The following DCX variants were observed in gnomAD, a reference collection of about 807,000 sequenced individuals.
The protein encoded by DCX is neuronal migration protein doublecortin.
Under a neutral mutation model 20.9 loss-of-function variants are expected in DCX, and 4 were observed. The ratio of observed to expected loss-of-function variants is 0.19; its 90% confidence interval spans 0.09 to 0.44. DCX has a LOEUF of 0.44. Among genes scored for constraint, DCX ranks in the 20% least tolerant of loss-of-function variants. The pLI is 0.99. For synonymous variants in DCX, 103 were observed against 111.4 expected (o/e 0.92, Z 0.47); for missense variants, 133 against 296.9 (o/e 0.45, Z 4.06).
intron 6 of DCX, among the ~76,000 whole-genome samples, chrX:111,310,491 T>A (rs1395450245): frequency 9.0e-6 from 1 of 111,365 alleles, no homozygotes; most frequent in Non-Finnish European, 1.9e-5. Context: ...AACTAGTGAA[T>A]CCCTGTAAAG....
intron 3 of DCX, among the ~76,000 whole-genome samples, chrX:111,373,480 C>T (rs777261469): frequency 4.5e-5 from 5 of 111,700 alleles, no homozygotes; most frequent in Admixed American, 1.9e-4. Context: ...TGTCGTCATT[C>T]GGGAATATTA....
intron 2 of DCX, among the ~76,000 whole-genome samples, chrX:111,404,316 A>T (rs1218533721): frequency 8.9e-6 from 1 of 112,028 alleles, no homozygotes; most frequent in Non-Finnish European, 1.9e-5. Flanking sequence ...TGTGATTATG[A>T]TATGACATGA....
At chrX:111,383,508 AT>A (rs1346435700) in intron 3 of DCX, among the ~76,000 whole-genome samples, 2 of 111,466 alleles carry the variant, frequency 1.8e-5, no homozygotes, top group Non-Finnish European at 3.8e-5. Flanking sequence ...ACCAATTAGT[AT>A]TTTCTGATTC....
At chrX:111,408,266 T>C (rs1288113228) in intron 2 of DCX, among the ~76,000 whole-genome samples, 1 of 111,533 alleles carries the variant, frequency 9.0e-6, no homozygotes, top group Non-Finnish European at 1.9e-5. Flanking sequence ...CCACTGCCTG[T>C]CCATTGAACA....
intron 3 of DCX, among the ~76,000 whole-genome samples, chrX:111,371,208 A>G (rs1187432308): frequency 8.9e-6 from 1 of 112,540 alleles, no homozygotes; most frequent in African/African-American, 3.2e-5. Flanking sequence ...ATACACCTGT[A>G]TAATACAAAC....
At chrX:111,343,718 ACT>A (rs1444187914) in intron 3 of DCX, among the ~76,000 whole-genome samples, 1 of 111,728 alleles carries the variant, frequency 9.0e-6, no homozygotes, top group Non-Finnish European at 1.9e-5. Context: ...GCGGCAGCTC[ACT>A]CTTGTAATCC....
intron 3 of DCX, among the ~76,000 whole-genome samples, chrX:111,400,665 T>C (rs1195857056): frequency 8.9e-6 from 1 of 112,136 alleles, no homozygotes; most frequent in Non-Finnish European, 1.9e-5. Flanking sequence ...ACAATGAAGG[T>C]TGCATCATAT....
intron 3 of DCX, among the ~76,000 whole-genome samples, chrX:111,358,811 C>T (rs1923967184): frequency 9.0e-6 from 1 of 111,338 alleles, no homozygotes; most frequent in Non-Finnish European, 1.9e-5. Context: ...CAGCAATATT[C>T]AATTATATAA....
intron 5 of DCX, among the ~76,000 whole-genome samples, chrX:111,329,418 G>T (rs1032590454): frequency 1.2e-4 from 13 of 111,689 alleles, no homozygotes; most frequent in African/African-American, 4.2e-4. Context: ...CTGCACTGAT[G>T]ATATGAAAAT....
At chrX:111,384,339 T>C (rs975198215) in intron 3 of DCX, among the ~76,000 whole-genome samples, 12 of 111,334 alleles carry the variant, frequency 1.1e-4, no homozygotes, top group African/African-American at 3.9e-4. Context: ...TCACTCTCCA[T>C]TCATTCGTTC....
At chrX:111,315,860 A>G (rs2095069317) in intron 5 of DCX, among the ~76,000 whole-genome samples, 1 of 30,813 alleles carries the variant, frequency 3.2e-5, no homozygotes. Context: ...ATTCTCACTC[A>G]TAGGTGGGAA....
intron 3 of DCX, among the ~76,000 whole-genome samples, chrX:111,375,386 A>G (rs1176615036): frequency 1.8e-5 from 2 of 111,131 alleles, no homozygotes; most frequent in Admixed American, 9.6e-5. Context: ...TTTTTTGTAC[A>G]ATTTTTACAA....
intron 3 of DCX, among the ~76,000 whole-genome samples, chrX:111,343,940 C>A (rs969361047): frequency 9.0e-6 from 1 of 110,660 alleles, no homozygotes; most frequent in Non-Finnish European, 1.9e-5. Context: ...GGAGATCGCG[C>A]CACTGCACTG....
chrX:111,357,656 C>A (rs1436232717), intron 3 of DCX, among the ~76,000 whole-genome samples: 1 of 109,963 alleles, frequency 9.1e-6, no homozygotes, highest in African/African-American at 3.3e-5. Flanking sequence ...ATGGTGCATG[C>A]TTCTAGTCCC....
chrX:111,393,709 T>C (rs1927118737), intron 3 of DCX, among the ~76,000 whole-genome samples: 1 of 111,352 alleles, frequency 9.0e-6, no homozygotes, highest in Admixed American at 9.6e-5. Flanking sequence ...AGATATACAA[T>C]TGTCCAATAA....
intron 4 of DCX, among the ~76,000 whole-genome samples, chrX:111,332,199 A>T (rs1921315689): frequency 8.9e-6 from 1 of 112,368 alleles, no homozygotes; most frequent in African/African-American, 3.2e-5. Context: ...TTTAGTGATC[A>T]CTGTCCAGAG....
At chrX:111,372,039 A>C (rs1925140133) in intron 3 of DCX, among the ~76,000 whole-genome samples, 2 of 111,211 alleles carry the variant, frequency 1.8e-5, no homozygotes, top group African/African-American at 6.6e-5. Flanking sequence ...TGACCCAAAC[A>C]CAGAGAAAGC....
chrX:111,307,770 C>T (rs2095048799), intron 6 of DCX, among the ~76,000 whole-genome samples: 1 of 111,923 alleles, frequency 8.9e-6, no homozygotes, highest in African/African-American at 3.2e-5. Context: ...ACTTTGAGTC[C>T]CAGCACACTG....
intron 6 of DCX, among the ~76,000 whole-genome samples, chrX:111,307,276 T>C (rs181355069): frequency 9.3e-6 from 1 of 108,100 alleles, no homozygotes; most frequent in Admixed American, 1.0e-4. Flanking sequence ...CATATATTAA[T>C]ATATATGATA....
Sources: gnomAD v4.1 joint callset for allele counts (sites outside exome capture counted in the v4.1 genomes callset) on GRCh38, gnomAD v4.1.1 for gene constraint, MANE v1.5 for transcripts, NCBI Gene and HGNC (gene_info 2026-07-23, HGNC 2026-07-21) for gene names.